BARD1: variants seen among roughly 807,000 people sequenced by gnomAD.
BARD1 encodes BRCA1-associated RING domain protein 1.
Under a neutral mutation model 77.0 loss-of-function variants are expected in BARD1, and 73 were observed. The observed-to-expected ratio is 0.95, with a 90% CI of 0.79 to 1.15. The LOEUF is 1.15. Among genes scored for constraint, BARD1 ranks in the 50% most tolerant of loss-of-function variants. The probability of loss-of-function intolerance (pLI) is 0.00; values close to 1 mark genes in which losing one functional copy is unlikely to be tolerated. For missense variants in BARD1, 993 were observed against 938.8 expected, an observed-to-expected ratio of 1.06 and a Z score of -0.75; for synonymous variants, 384 against 338.0, an observed-to-expected ratio of 1.14 and a Z score of -1.49.
intron 1 of BARD1, among the ~76,000 whole-genome samples, chr2:214,809,076 C>T (rs1044399323): frequency 2.0e-5 from 3 of 152,162 alleles, no homozygotes; most frequent in African/African-American, 4.8e-5. Flanking sequence ...GCAGAAGCCT[C>T]AGCCCCACCC....
At chr2:214,761,653 A>C (rs192419413) in intron 6 of BARD1, among the ~76,000 whole-genome samples, 1 of 152,166 alleles carries the variant, frequency 6.6e-6, no homozygotes, top group South Asian at 2.1e-4. Context: ...AAACAAAAAA[A>C]GTATAAGATC....
intron 7 of BARD1, among the ~76,000 whole-genome samples, chr2:214,747,763 G>A (rs923101148): frequency 2.0e-5 from 3 of 148,936 alleles, no homozygotes; most frequent in Non-Finnish European, 4.5e-5. Context: ...GCTAAATGAC[G>A]AGTTAATGGG....
At chr2:214,788,455 A>T (rs1695373144) in intron 3 of BARD1, among the ~76,000 whole-genome samples, 1 of 152,066 alleles carries the variant, frequency 6.6e-6, no homozygotes, top group Non-Finnish European at 1.5e-5. Flanking sequence ...TATTACTACA[A>T]ATTAGGCTTC....
intron 3 of BARD1, among the ~76,000 whole-genome samples, chr2:214,786,040 A>G (rs1026427161): frequency 2.0e-5 from 3 of 152,004 alleles, no homozygotes; most frequent in Non-Finnish European, 4.4e-5. Flanking sequence ...CTTTACCTAC[A>G]TTACAGAACC....
At chr2:214,801,427 T>G (rs997682613) in intron 1 of BARD1, among the ~76,000 whole-genome samples, 1 of 152,238 alleles carries the variant, frequency 6.6e-6, no homozygotes, top group Admixed American at 6.5e-5. Context: ...TAACAAATAC[T>G]GAATGGCCAT....
chr2:214,768,581 A>G (rs1020959475), intron 5 of BARD1, among the ~76,000 whole-genome samples: 5 of 344 alleles, frequency 0.015, no homozygotes, highest in African/African-American at 0.053. Context: ...CTGAATTTCT[A>G]GTTACAGGAT....
chr2:214,767,114 T>A (rs978968297), intron 6 of BARD1, among the ~76,000 whole-genome samples: 2 of 152,204 alleles, frequency 1.3e-5, no homozygotes, highest in African/African-American at 2.4e-5. Flanking sequence ...CTAAGGATAA[T>A]GGCCTCCAGC....
chr2:214,791,463 A>G (rs573777766), intron 3 of BARD1, among the ~76,000 whole-genome samples: 1 of 152,308 alleles, frequency 6.6e-6, no homozygotes, highest in East Asian at 1.9e-4. Context: ...ACAAACACAC[A>G]CTAAAATAGC....
At chr2:214,730,958 G>GT (rs1559374682) in intron 9 of BARD1, 4 of 454,188 alleles carry the variant, frequency 8.8e-6, no homozygotes, top group South Asian at 3.1e-5. Context: ...CTGTTAAACT[G>GT]TAAGTGATTT....
intron 1 of BARD1, among the ~76,000 whole-genome samples, chr2:214,802,741 T>C (rs1012674542): frequency 6.6e-6 from 1 of 152,182 alleles, no homozygotes; most frequent in African/African-American, 2.4e-5. Flanking sequence ...TTGATATACA[T>C]ATATATTAGA....
At chr2:214,791,438 A>G (rs1351905261) in intron 3 of BARD1, among the ~76,000 whole-genome samples, 3 of 152,220 alleles carry the variant, frequency 2.0e-5, no homozygotes, top group African/African-American at 7.2e-5. Flanking sequence ...CTGCCAGTCA[A>G]GAACACGTTC....
At chr2:214,794,422 T>C (rs1214278063) in intron 2 of BARD1, among the ~76,000 whole-genome samples, 2 of 152,166 alleles carry the variant, frequency 1.3e-5, no homozygotes, top group African/African-American at 2.4e-5. Flanking sequence ...ATAGACTGAA[T>C]ATATAAGTTG....
chr2:214,757,059 G>A (rs1416033433), intron 6 of BARD1, among the ~76,000 whole-genome samples: 1 of 152,096 alleles, frequency 6.6e-6, no homozygotes, highest in African/African-American at 2.4e-5. Flanking sequence ...CACGTAAGAT[G>A]TGCCTGCTTC....
At chr2:214,729,878 G>A (rs1388490384) in intron 10 of BARD1, among the ~76,000 whole-genome samples, 1 of 152,106 alleles carries the variant, frequency 6.6e-6, no homozygotes, top group East Asian at 1.9e-4. Flanking sequence ...GTGCCCTCCA[G>A]GGTTCCAGAA....
intron 9 of BARD1, among the ~76,000 whole-genome samples, chr2:214,732,118 A>G (rs1200072637): frequency 6.6e-6 from 1 of 152,214 alleles, no homozygotes; most frequent in African/African-American, 2.4e-5. Flanking sequence ...TGGATATACT[A>G]CAGTGTTTTG....
At chr2:214,771,850 A>G (rs1196501956) in intron 4 of BARD1, among the ~76,000 whole-genome samples, 3 of 151,462 alleles carry the variant, frequency 2.0e-5, no homozygotes, top group Non-Finnish European at 4.4e-5. Flanking sequence ...ATATTCCTAA[A>G]TTAACAAAAT....
In BARD1 at chr2:214,780,941, C is replaced by A. The variant is rs1060501297; in HGVS notation, c.933G>T (p.Lys311Asn). ...EKVCKNYLTS[K>N]KSLPLENNGK... ...CATTATTTTCTAATGGCAAAGATTTCTTAGATGTAAGATAATTTTTGCAGA... is the reference window on the plus strand; with the variant it reads ...CATTATTTTCTAATGGCAAAGATTTATTAGATGTAAGATAATTTTTGCAGA... The change falls in exon 4 of 11, where the codon AAG becomes AAT. Residue 311 changes from lysine to asparagine, a missense_variant. Coordinates refer to ENST00000260947, the MANE Select transcript of BARD1 (RefSeq NM_000465.4). The A allele has an allele frequency of 6.2e-7, 1 of 1,613,682 alleles. No individual in the cohort carries two copies. The highest frequency in any genetic ancestry group is 8.5e-7 in the Non-Finnish European group (1 of 1,179,906).
At chr2:214,789,841 C>T (rs1351173000) in intron 3 of BARD1, among the ~76,000 whole-genome samples, 1 of 151,920 alleles carries the variant, frequency 6.6e-6, no homozygotes, top group Non-Finnish European at 1.5e-5. Context: ...ATATAAGTAA[C>T]GTTGAGGGCG....
chr2:214,778,131 G>C (rs1405814114), intron 4 of BARD1, among the ~76,000 whole-genome samples: 1 of 152,058 alleles, frequency 6.6e-6, no homozygotes, highest in Non-Finnish European at 1.5e-5. Flanking sequence ...AGGAGGCGGA[G>C]GTTGCAGTGA....
Sources: allele counts gnomAD v4.1 joint callset (sites outside exome capture counted in the v4.1 genomes callset), GRCh38; gene constraint gnomAD v4.1.1; transcripts MANE v1.5; gene names NCBI Gene and HGNC (gene_info 2026-07-23, HGNC 2026-07-21).